Variants in IL18BP observed in about 807,000 individuals in gnomAD.
IL18BP encodes the protein interleukin-18-binding protein.
In IL18BP, 23 loss-of-function variants were observed where a neutral mutation model predicts 19.9. That is an observed-to-expected ratio of 1.15 (90% CI 0.83 to 1.64). The LOEUF is 1.64. IL18BP is among the 40% of genes most tolerant of loss of function. IL18BP has a pLI of 0.00. For synonymous variants in IL18BP, 107 were observed against 101.0 expected (o/e 1.06, Z -0.35); for missense variants, 239 against 240.7 (o/e 0.99, Z 0.05).
At chr11:72,006,914 C>T (rs1955759560), downstream of IL18BP, among the ~76,000 whole-genome samples, 1 of 152,232 alleles carries the variant, frequency 6.6e-6, no homozygotes, top group Non-Finnish European at 1.5e-5. Flanking sequence ...TGCAGCTTCG[C>T]CACGTTCTCT....
chr11:72,005,649 G>A (rs764928061), downstream of IL18BP: 7 of 514,240 alleles, frequency 1.4e-5, no homozygotes, highest in African/African-American at 1.2e-4. Flanking sequence ...AACACCCAGA[G>A]GAACAAATTA....
At chr11:72,007,464 G>GT, downstream of IL18BP, 1 of 1,610,578 alleles carries the variant, frequency 6.2e-7, no homozygotes, top group Non-Finnish European at 8.5e-7. Context: ...CTGAGGTACA[G>GT]TCCTTCACGC....
At chr11:72,000,134 G>T (rs1011780180) in intron 2 of IL18BP, 122 bp downstream of exon 2, 17 of 1,091,346 alleles carry the variant, frequency 1.6e-5, no homozygotes, top group Middle Eastern at 2.2e-4. Flanking sequence ...TGGTGCTGTT[G>T]CTTTAAGAAC....
downstream of IL18BP, chr11:72,004,587 G>A: frequency 1.9e-6 from 3 of 1,559,524 alleles, no homozygotes; most frequent in East Asian, 4.5e-5. Context: ...TTGGTGAGCT[G>A]GGCCTGACCT....
downstream of IL18BP, chr11:72,007,418 T>G (rs776975644): frequency 6.2e-7 from 1 of 1,613,640 alleles, no homozygotes; most frequent in South Asian, 1.1e-5. Context: ...GCCGTCTGGC[T>G]GGGTACGAGG....
chr11:72,003,313 C>T (rs562816256), downstream of IL18BP: 2 of 592,112 alleles, frequency 3.4e-6, no homozygotes, highest in South Asian at 2.1e-5. Context: ...AGCGCCCACA[C>T]TGTCCATGCT....
In IL18BP at chr11:72,001,493, T is replaced by C. The variant is rs1955233923; in HGVS notation, c.448T>C (p.Cys150Arg). The change falls in exon 5 of 6, where the codon TGT (cysteine) becomes CGT (arginine). Residue 150 changes from cysteine to arginine, a missense_variant. By Grantham distance (180) the Cys-to-Arg change is radical. Coordinates refer to ENST00000393703, the MANE Select transcript of IL18BP (RefSeq NM_001039660.2). ...TPALHSTNFS[C>R]VLVDPEQVVQ... The stretch of plus-strand genomic sequence containing the variant: ...TGCCCTGCACAGCACCAACTTCTCC[T>C]GTGTGCTCGTGGACCCTGAACAGGT... 6 of 1,614,056 alleles carry C rather than the reference T, an allele frequency of 3.7e-6. No individual in the cohort carries two copies. Among genetic ancestry groups the C allele is most frequent in the Non-Finnish European group, 5.1e-6 (6 of 1,179,970 alleles).
At chr11:72,007,259 A>C, downstream of IL18BP, 6 of 1,612,836 alleles carry the variant, frequency 3.7e-6, no homozygotes, top group Non-Finnish European at 5.1e-6. Context: ...ACCCGAGTCC[A>C]GGAAGACGTC....
chr11:72,003,903 G>A, downstream of IL18BP: 1 of 1,613,698 alleles, frequency 6.2e-7, no homozygotes, highest in Non-Finnish European at 8.5e-7. Context: ...CTTGGCTCGA[G>A]GGGTGGCACC....
chr11:72,007,979 T>C (rs1197229719), downstream of IL18BP: 7 of 392,710 alleles, frequency 1.8e-5, no homozygotes, highest in African/African-American at 1.5e-4. Flanking sequence ...AGCCAAGAAC[T>C]CAGGCCAGGC....
At position 71,999,936 on chromosome 11, in the gene IL18BP, C is replaced by T. The variant is rs1399790407; in HGVS notation, c.-49C>T. ...CCCCACCTTTCACCAGAGAAGAGGA[C>T]GTTGTCACAGATAAAGAGCCAGGCT... On this transcript the variant is annotated 5_prime_UTR_variant, in exon 2 of 6. In the 5' UTR this introduces an upstream ATG that the reference lacks. Coordinates refer to ENST00000393703, the MANE Select transcript of IL18BP (RefSeq NM_001039660.2). 8.7e-6 allele frequency: 14 copies of T among 1,603,828 alleles called. No individual in the cohort carries two copies. The highest frequency in any genetic ancestry group is 6.6e-5 in the South Asian group (6 of 90,380).
chr11:72,000,568 C>T lies in IL18BP; in HGVS notation c.235+11C>T, dbSNP rs201662094. The T allele has an allele frequency of 7.5e-5, 120 of 1,605,852 alleles. No individual in the cohort carries two copies. The highest frequency in any genetic ancestry group is 9.6e-5 in the Non-Finnish European group (113 of 1,178,854). On this transcript the variant is annotated intron_variant, in intron 3 of 5. Coordinates refer to ENST00000393703, the MANE Select transcript of IL18BP (RefSeq NM_001039660.2). ...TGGAAGTGCCACTGAGTAAGAAGCA[C>T]AGTGGTGGAGGGTGGGCTATGGGCA...
chr11:72,004,335 T>C (rs760228805), downstream of IL18BP: 10 of 1,612,348 alleles, frequency 6.2e-6, no homozygotes, highest in South Asian at 7.7e-5. Flanking sequence ...CTGGTGGCCT[T>C]CTTAGACTAT....
At chr11:72,002,839 C>T (rs971179660), downstream of IL18BP, 1 of 203,108 alleles carries the variant, frequency 4.9e-6, no homozygotes, top group Non-Finnish European at 1.0e-5. Context: ...CTCTTTTTCC[C>T]ACACCGATCA....
intron 5 of IL18BP, 26 bp downstream of exon 5, chr11:72,001,578 A>T (rs1388536920): frequency 2.5e-6 from 4 of 1,604,060 alleles, no homozygotes; most frequent in Non-Finnish European, 3.4e-6. Context: ...AGAGGCCTCC[A>T]GGAACAGGAG....
rs1399828748 is a variant in IL18BP at position 72,002,762 on chromosome 11, G to A, written c.*901G>A. 2 of 182,722 alleles carry A rather than the reference G, an allele frequency of 1.1e-5. No individual in the cohort carries two copies. The highest frequency in any genetic ancestry group is 4.7e-5 in the African/African-American group (2 of 42,476). The allele number at this position is 182,722 out of a possible 1,614,324, so 11.3% of individuals were successfully genotyped here. A position where few individuals can be genotyped will look rare whatever the true frequency, so the allele number is the denominator to read the frequency against. ...GGAAAGATGTGGCCTCAGGAAAAGG[G>A]ATGAGAGAAAGGAGGTGGTATGGAA... On this transcript the variant is annotated 3_prime_UTR_variant, in exon 6 of 6. Transcript: ENST00000393703.
chr11:72,006,874 A>C (rs779992343), downstream of IL18BP, among the ~76,000 whole-genome samples: 2 of 152,242 alleles, frequency 1.3e-5, no homozygotes. Context: ...TCTCAGCTGC[A>C]TGGGGCATGC....
Position 72,000,393 on chromosome 11 carries a change from T to G in IL18BP, c.71T>G (p.Val24Gly). 1 of 1,614,046 alleles carries G rather than the reference T, an allele frequency of 6.2e-7. No individual in the cohort carries two copies. The part of the protein sequence containing the change: ...LWVLLLCAHV[V>G]TLLVRATPVS... ...GTCCTGCTCCTGTGTGCCCACGTCG[T>G]CACTCTCCTGGTCAGAGCCACACCT... The change falls in exon 3 of 6, where the codon GTC becomes GGC. Residue 24 changes from valine (V) to glycine (G), a missense_variant. Transcript: ENST00000393703.
intron 3 of IL18BP, 135 bp from the exon 4 acceptor site, chr11:72,001,066 C>G: frequency 2.9e-6 from 3 of 1,041,610 alleles, no homozygotes; most frequent in Non-Finnish European, 2.8e-6. Flanking sequence ...ACGTTCCCAC[C>G]TAGGTGGTGT....
Sources: allele counts gnomAD v4.1 joint callset (sites outside exome capture counted in the v4.1 genomes callset), GRCh38; gene constraint gnomAD v4.1.1; transcripts MANE v1.5; gene names NCBI Gene and HGNC (gene_info 2026-07-23, HGNC 2026-07-21).